SEPTIN9: variants seen among roughly 807,000 people sequenced by gnomAD.
SEPTIN9 encodes the protein septin 9, also known as septin-9.
A neutral mutation model predicts 56.6 loss-of-function variants in SEPTIN9; 13 were observed. That is an observed-to-expected ratio of 0.23 (90% CI 0.15 to 0.37). SEPTIN9 has a LOEUF of 0.37. SEPTIN9 is among the 10% of genes least tolerant of loss of function. The pLI is 1.00. For missense variants in SEPTIN9, 650 were observed against 823.1 expected, an observed-to-expected ratio of 0.79 and a Z score of 2.57; for synonymous variants, 332 against 334.1, an observed-to-expected ratio of 0.99 and a Z score of 0.07.
At chr17:77,383,867 C>T (rs1264145398) in intron 2 of SEPTIN9, among the ~76,000 whole-genome samples, 1 of 152,256 alleles carries the variant, frequency 6.6e-6, no homozygotes, top group Non-Finnish European at 1.5e-5. Context: ...GAGTCATCAG[C>T]CTCTCAGTGC....
At chr17:77,490,699 C>G (rs2039988675) in intron 7 of SEPTIN9, 43 bp from the exon 8 acceptor site, 7 of 1,463,648 alleles carry the variant, frequency 4.8e-6, no homozygotes, top group Non-Finnish European at 6.6e-6. Flanking sequence ...CCCCCACTGC[C>G]CCGCTCCCCC....
chr17:77,390,248 G>T (rs1202051234), intron 2 of SEPTIN9, among the ~76,000 whole-genome samples: 1 of 150,502 alleles, frequency 6.6e-6, no homozygotes, highest in East Asian at 2.0e-4. Flanking sequence ...TCGGGAGGCG[G>T]AGGCAGGAGA....
chr17:77,296,973 T>C (rs528118009), intron 1 of SEPTIN9, among the ~76,000 whole-genome samples: 1 of 152,308 alleles, frequency 6.6e-6, no homozygotes, highest in East Asian at 1.9e-4. Flanking sequence ...CAGACATAGA[T>C]ACATTGATTA....
In SEPTIN9 at chr17:77,476,198, C is replaced by G. The variant is rs1194724737; in HGVS notation, c.722-5946C>G. 6.6e-6 allele frequency among the ~76,000 whole-genome samples: 1 copy of G among 152,136 alleles called. No individual in the cohort carries two copies. Among genetic ancestry groups the G allele is most frequent in the Non-Finnish European group, 1.5e-5 (1 of 68,014 alleles). ...GAGGGGTAGGCAGAGAAGGGCGGCCCCTGGGTCTTGGTTTCCAAGTCAGGC... is the reference window on the plus strand; with the variant it reads ...GAGGGGTAGGCAGAGAAGGGCGGCCGCTGGGTCTTGGTTTCCAAGTCAGGC... On this transcript the variant is annotated intron_variant, in intron 3 of 11. Coordinates refer to ENST00000427177, the MANE Select transcript of SEPTIN9 (RefSeq NM_001113491.2). The surrounding 1 kb of genome is among the most constrained non-coding windows in gnomAD (Gnocchi z 6.0).
In SEPTIN9 at chr17:77,367,058, T is replaced by G. The variant is rs569956600; in HGVS notation, c.77-35001T>G. Among the ~76,000 whole-genome samples, 2 of 152,332 alleles carry G rather than the reference T, an allele frequency of 1.3e-5. No individual in the cohort carries two copies. Among genetic ancestry groups the G allele is most frequent in the Admixed American group, 6.5e-5 (1 of 15,306 alleles). Reference sequence around the variant, plus strand: ...GTCATGTGCTTCTTTGAGTGAAACCTTATGGTTGCATTGAAGCGGCCAGGC... The same window carrying G: ...GTCATGTGCTTCTTTGAGTGAAACCGTATGGTTGCATTGAAGCGGCCAGGC... On this transcript the variant is annotated intron_variant, in intron 2 of 11. Coordinates refer to ENST00000427177, the MANE Select transcript of SEPTIN9 (RefSeq NM_001113491.2). The surrounding 1 kb of genome is among the most constrained non-coding windows in gnomAD (Gnocchi z 4.5).
intron 4 of SEPTIN9, chr17:77,484,002 C>T (rs2039563347): frequency 6.6e-6 from 1 of 152,282 alleles, no homozygotes; most frequent in African/African-American, 2.4e-5. Flanking sequence ...CCAGCTTTGT[C>T]CTAACTCAGC....
rs2033266617 is a variant in SEPTIN9 at position 77,329,490 on chromosome 17, T to G, written c.76+22293T>G. Among the ~76,000 whole-genome samples the G allele has an allele frequency of 1.3e-5, 2 of 152,128 alleles. No homozygotes were observed. The highest frequency in any genetic ancestry group is 2.9e-5 in the Non-Finnish European group (2 of 68,008). On this transcript the variant is annotated intron_variant, in intron 2 of 11. Coordinates refer to ENST00000427177, the MANE Select transcript of SEPTIN9 (RefSeq NM_001113491.2). The surrounding 1 kb of genome is among the most constrained non-coding windows in gnomAD (Gnocchi z 4.3). ...GGCTGTGGTTTGGTACACTTGGCCG[T>G]GGGTGAGGCCAAGGTGGTTTGGATC...
At chr17:77,385,419 A>G (rs774234284) in intron 2 of SEPTIN9, among the ~76,000 whole-genome samples, 20 of 150,564 alleles carry the variant, frequency 1.3e-4, no homozygotes, top group Admixed American at 5.3e-4. Context: ...GGGTTTCACC[A>G]TGTTGACCAG....
intron 2 of SEPTIN9, among the ~76,000 whole-genome samples, chr17:77,325,704 C>T (rs1197437728): frequency 6.6e-6 from 1 of 151,688 alleles, no homozygotes; most frequent in African/African-American, 2.4e-5. Context: ...GGCTCTCCCT[C>T]TGGGGAAGCC....
Position 77,402,465 on chromosome 17 carries a change from C to T in SEPTIN9, c.483C>T (p.Ala161=). Residue 161 remains alanine, a synonymous_variant, in exon 3 of 12, where the codon GCC becomes GCT. Coordinates refer to ENST00000427177, the MANE Select transcript of SEPTIN9 (RefSeq NM_001113491.2). This position sits in a 1 kb window ranked among gnomAD's most constrained non-coding sequence, Gnocchi z 6.6. ...EITIVKPQES[A]HRRMEPPASK... is the part of the protein sequence containing the mutation. ...CCATCGTCAAACCCCAGGAGTCAGC[C>T]CACCGGAGGATGGAGCCCCCTGCCT... 6.2e-7 allele frequency: 1 copy of T among 1,609,182 alleles called. No homozygotes were observed. The highest frequency in any genetic ancestry group is 8.5e-7 in the Non-Finnish European group (1 of 1,178,114).
At chr17:77,373,707 G>A (rs898348743) in intron 2 of SEPTIN9, 71 of 1,347,210 alleles carry the variant, frequency 5.3e-5, no homozygotes, top group Non-Finnish European at 6.4e-5. Flanking sequence ...AGAGCGCCGC[G>A]CGCCCCCGGC....
rs144752763 is a variant in SEPTIN9 at position 77,418,480 on chromosome 17, C to CT, written c.721+15778dup. 5.3e-3 allele frequency among the ~76,000 whole-genome samples: 808 copies of CT among 152,288 alleles called. 8 individuals are homozygous for CT. The highest frequency in any genetic ancestry group is 0.018 in the African/African-American group (767 of 41,572). On this transcript the variant is annotated intron_variant, in intron 3 of 11. Transcript: ENST00000427177. ...GCCTCAGCCTCCTGAGTAGCTGGGACTACAGGCGCGTGTCACCATGGCAGG... is the reference window on the plus strand; with the variant it reads ...GCCTCAGCCTCCTGAGTAGCTGGGACTTACAGGCGCGTGTCACCATGGCAGG...
At chr17:77,490,681 TG>T in intron 7 of SEPTIN9, 60 bp from the exon 8 acceptor site, 2 of 1,280,960 alleles carry the variant, frequency 1.6e-6, no homozygotes, top group South Asian at 1.3e-5. Context: ...TGCTTGGGGG[TG>T]GGTGCCCCCC....
chr17:77,475,702 C>G lies in SEPTIN9; in HGVS notation c.722-6442C>G. 6.2e-7 allele frequency: 1 copy of G among 1,613,546 alleles called. No homozygotes were observed. Among genetic ancestry groups the G allele is most frequent in the South Asian group, 1.1e-5 (1 of 91,088 alleles). ...CACGCTGGGCCGGGGTGGATGGAGGCAAGGAAGTCTTCGCCGGGGCAAGGG... is the reference window on the plus strand; with the variant it reads ...CACGCTGGGCCGGGGTGGATGGAGGGAAGGAAGTCTTCGCCGGGGCAAGGG... On this transcript the variant is annotated intron_variant, in intron 3 of 11. Transcript: ENST00000427177. The surrounding 1 kb of genome is among the most constrained non-coding windows in gnomAD (Gnocchi z 4.6).
chr17:77,343,724 T>C (rs2033807026), intron 2 of SEPTIN9, among the ~76,000 whole-genome samples: 1 of 152,186 alleles, frequency 6.6e-6, no homozygotes. Context: ...GGTGTCAGAA[T>C]TGAACTGAAT....
At chr17:77,407,356 G>T (rs1158807605) in intron 3 of SEPTIN9, among the ~76,000 whole-genome samples, 1 of 150,288 alleles carries the variant, frequency 6.7e-6, no homozygotes, top group African/African-American at 2.4e-5. Context: ...GGTGTGCCAT[G>T]AAATTATGCT....
intron 2 of SEPTIN9, among the ~76,000 whole-genome samples, chr17:77,368,892 C>T (rs982326312): frequency 2.0e-5 from 3 of 152,142 alleles, no homozygotes; most frequent in Non-Finnish European, 1.5e-5. Flanking sequence ...ACACTATATT[C>T]GTGGTGACTA....
chr17:77,423,471 T>TG (rs1262233881), intron 3 of SEPTIN9, among the ~76,000 whole-genome samples: 3 of 152,240 alleles, frequency 2.0e-5, no homozygotes, highest in Admixed American at 2.0e-4. Context: ...GCAGCGTTTC[T>TG]GACCCTGTGA....
intron 2 of SEPTIN9, among the ~76,000 whole-genome samples, chr17:77,324,235 A>G (rs756609093): frequency 2.0e-5 from 3 of 152,204 alleles, no homozygotes; most frequent in Non-Finnish European, 2.9e-5. Flanking sequence ...CAAGATCCTT[A>G]ACTTCATAAC....
Sources: gnomAD v4.1 joint callset for allele counts (sites outside exome capture counted in the v4.1 genomes callset) on GRCh38, gnomAD v4.1.1 for gene constraint, Gnocchi (gnomAD v3.1) non-coding constraint, MANE v1.5 for transcripts, NCBI Gene and HGNC (gene_info 2026-07-23, HGNC 2026-07-21) for gene names.